Variants in GRK4 observed in about 807,000 individuals in gnomAD.
GRK4 encodes the protein G protein-coupled receptor kinase 2-like.
In GRK4, 73 loss-of-function variants were observed where a neutral mutation model predicts 77.9. That is an observed-to-expected ratio of 0.94 (90% CI 0.78 to 1.14). The LOEUF (loss-of-function observed/expected upper bound fraction) is 1.14. Among genes scored for constraint, GRK4 ranks in the 50% most tolerant of loss-of-function variants. The pLI is 0.00. For synonymous variants in GRK4, 257 were observed against 254.4 expected, an observed-to-expected ratio of 1.01 and a Z score of -0.10; for missense variants, 729 against 700.2, an observed-to-expected ratio of 1.04 and a Z score of -0.46.
Position 3,038,486 on chromosome 4 carries a change from C to G in GRK4, c.1656C>G (p.Gly552=), listed in dbSNP as rs780411761. 6.2e-7 allele frequency: 1 copy of G among 1,613,626 alleles called. No individual in the cohort carries two copies. The highest frequency in any genetic ancestry group is 1.7e-5 in the Admixed American group (1 of 59,978). The part of the protein sequence containing the change: ...IHTPVSRPNR[G]FFYRLFRRGG... ...CCCCGGTTTCCAGACCAAACAGAGG[C>G]TTCTTCTATAGACTCTTCAGAAGAG... The change falls in exon 15 of 16, where the codon GGC becomes GGG. Residue 552 remains glycine, a synonymous_variant. Transcript: ENST00000398052.
At chr4:3,021,476 C>A (rs1317484033) in intron 9 of GRK4, among the ~76,000 whole-genome samples, 1 of 152,200 alleles carries the variant, frequency 6.6e-6, no homozygotes, top group Non-Finnish European at 1.5e-5. Flanking sequence ...CCTTTGGCTT[C>A]TCCTTATCTT....
intron 1 of GRK4, among the ~76,000 whole-genome samples, chr4:2,977,592 G>C (rs1440910571): frequency 6.6e-6 from 1 of 152,190 alleles, no homozygotes; most frequent in African/African-American, 2.4e-5. Context: ...CGTTGAGGGC[G>C]GTCAGGGAGG....
intron 1 of GRK4, among the ~76,000 whole-genome samples, chr4:2,976,873 A>G (rs1458404126): frequency 1.3e-5 from 2 of 152,128 alleles, no homozygotes; most frequent in Non-Finnish European, 2.9e-5. Flanking sequence ...TGCCGACCTC[A>G]GGTGATCTGT....
intron 7 of GRK4, among the ~76,000 whole-genome samples, chr4:3,010,096 C>T (rs1273126599): frequency 3.9e-5 from 6 of 152,162 alleles, no homozygotes; most frequent in East Asian, 1.9e-4. Flanking sequence ...AATATACTTA[C>T]GTAACCCTAC....
chr4:2,972,213 T>A (rs895852727), intron 1 of GRK4, among the ~76,000 whole-genome samples: 2 of 152,184 alleles, frequency 1.3e-5, no homozygotes, highest in African/African-American at 2.4e-5. Flanking sequence ...CAACCCAGTA[T>A]GCTGCCCAGA....
chr4:2,993,968 C>T (rs1046041154), intron 4 of GRK4, among the ~76,000 whole-genome samples: 2 of 152,110 alleles, frequency 1.3e-5, no homozygotes, highest in African/African-American at 2.4e-5. Context: ...AGGGGAGCTT[C>T]GTTGTACAAA....
Position 2,963,882 on chromosome 4 carries a change from C to T in GRK4, c.-189C>T. 4.6e-6 allele frequency: 3 copies of T among 656,136 alleles called. No homozygotes were observed. The highest frequency in any genetic ancestry group is 1.7e-5 in the South Asian group (1 of 57,716). The allele number at this position is 656,136 out of a possible 1,614,324, so 40.6% of individuals were successfully genotyped here. On this transcript the variant is annotated 5_prime_UTR_variant, in exon 1 of 16. Transcript: ENST00000398052. ...CCGCTCCCCTGCTGGTGAGGGCCTGCGGAGGCGGCGGCGGCGGCGCCCTTG... is the reference window on the plus strand; with the variant it reads ...CCGCTCCCCTGCTGGTGAGGGCCTGTGGAGGCGGCGGCGGCGGCGCCCTTG...
intron 1 of GRK4, among the ~76,000 whole-genome samples, chr4:2,979,724 CA>C (rs914419721): frequency 7.2e-5 from 11 of 151,924 alleles, no homozygotes; most frequent in Non-Finnish European, 1.2e-4. Flanking sequence ...CCTACCCCCC[CA>C]AAAAAAATCC....
chr4:3,015,324 G>A (rs573928254), intron 8 of GRK4, among the ~76,000 whole-genome samples: 1 of 152,340 alleles, frequency 6.6e-6, no homozygotes, highest in Non-Finnish European at 1.5e-5. Context: ...TTAGCCCGGA[G>A]GTTAGCTGCT....
intron 4 of GRK4, among the ~76,000 whole-genome samples, chr4:3,002,873 AAG>A (rs1393529382): frequency 1.3e-5 from 2 of 152,202 alleles, no homozygotes; most frequent in Non-Finnish European, 2.9e-5. Context: ...CATGAGGAAA[AAG>A]AAACTATCTG....
rs201929075 is a variant in GRK4 at position 3,001,211 on chromosome 4, G to GTATA, written c.340-3014_340-3011dup. On this transcript the variant is annotated intron_variant, in intron 4 of 15. Transcript: ENST00000398052. ...TATATATATGTATATATGTGTATGT[G>GTATA]TATATATATGTATATATGTGTATGT... Among the ~76,000 whole-genome samples the GTATA allele has an allele frequency of 2.0e-4, 27 of 131,786 alleles. 2 individuals carry two copies. Among genetic ancestry groups the GTATA allele is most frequent in the African/African-American group, 7.8e-4 (26 of 33,308 alleles). 86.5% of individuals were successfully genotyped at this position (131,786 alleles called of 152,430 possible). A position where few individuals can be genotyped will look rare whatever the true frequency, so the allele number is the denominator to read the frequency against.
At chr4:2,982,881 T>G (rs1723223024) in intron 1 of GRK4, among the ~76,000 whole-genome samples, 1 of 152,218 alleles carries the variant, frequency 6.6e-6, no homozygotes, top group African/African-American at 2.4e-5. Flanking sequence ...ACTTGACATA[T>G]TCTCTGGCAT....
At chr4:3,015,876 C>A (rs995378540) in intron 8 of GRK4, among the ~76,000 whole-genome samples, 9 of 150,102 alleles carry the variant, frequency 6.0e-5, no homozygotes, top group African/African-American at 2.2e-4. Flanking sequence ...GAGTTTGAAA[C>A]CAGCCTGGGC....
chr4:3,027,146 C>T (rs749553371), intron 10 of GRK4, among the ~76,000 whole-genome samples: 4 of 152,198 alleles, frequency 2.6e-5, no homozygotes, highest in Non-Finnish European at 4.4e-5. Flanking sequence ...CTTAAGCGAT[C>T]CTCCTGCCTC....
intron 3 of GRK4, 69 bp downstream of exon 3, chr4:2,988,908 A>G (rs1725266241): frequency 2.1e-6 from 2 of 967,530 alleles, no homozygotes; most frequent in Admixed American, 3.5e-5. Context: ...AAACTTGGCC[A>G]GGCGCAGTAG....
chr4:3,023,447 C>T (rs1259970107), intron 10 of GRK4, among the ~76,000 whole-genome samples: 1 of 152,158 alleles, frequency 6.6e-6, no homozygotes, highest in Non-Finnish European at 1.5e-5. Flanking sequence ...AGAGGACAGG[C>T]GTCTAAGGCG....
chr4:2,968,171 A>G (rs1718366504), intron 1 of GRK4, among the ~76,000 whole-genome samples: 1 of 152,094 alleles, frequency 6.6e-6, no homozygotes, highest in Admixed American at 6.5e-5. Flanking sequence ...TTATGCTTTA[A>G]ATAAGCTTAA....
intron 4 of GRK4, among the ~76,000 whole-genome samples, chr4:2,998,205 A>G (rs557821538): frequency 6.6e-6 from 1 of 152,292 alleles, no homozygotes; most frequent in Non-Finnish European, 1.5e-5. Flanking sequence ...TAAAAATACA[A>G]AAATTAGCTG....
intron 13 of GRK4, 83 bp from the exon 14 acceptor site, chr4:3,037,291 G>T (rs1200020437): frequency 8.1e-6 from 11 of 1,361,950 alleles, no homozygotes; most frequent in Non-Finnish European, 1.1e-5. Context: ...GCGTCAGTTT[G>T]CTGGGCGTTT....
Sources: allele counts gnomAD v4.1 joint callset (sites outside exome capture counted in the v4.1 genomes callset), GRCh38; gene constraint gnomAD v4.1.1; transcripts MANE v1.5; gene names NCBI Gene and HGNC (gene_info 2026-07-23, HGNC 2026-07-21).